The following CYRIB variants were observed in gnomAD, a reference collection of about 807,000 sequenced individuals.
The protein encoded by CYRIB is CYFIP-related Rac1 interactor B.
In CYRIB, 8 loss-of-function variants were observed where a neutral mutation model predicts 44.2. The ratio of observed to expected loss-of-function variants is 0.18; its 90% CI spans 0.11 to 0.33. The LOEUF (loss-of-function observed/expected upper bound fraction) is 0.33, where lower values mean the gene tolerates loss of function less well. Among genes scored for constraint, CYRIB ranks in the 10% least tolerant of loss-of-function variants. The pLI is 1.00. For synonymous variants in CYRIB, 131 were observed against 127.2 expected (o/e 1.03, Z -0.20); for missense variants, 185 against 382.8 (o/e 0.48, Z 4.31).
chr8:129,975,088 C>T (rs1039410193), intron 1 of CYRIB, among the ~76,000 whole-genome samples: 4 of 152,102 alleles, frequency 2.6e-5, no homozygotes, highest in African/African-American at 9.7e-5. Context: ...ACCATACTGG[C>T]CAGGCTGGTC....
At chr8:129,996,957 C>A (rs1384631150) in intron 1 of CYRIB, among the ~76,000 whole-genome samples, 1 of 151,594 alleles carries the variant, frequency 6.6e-6, no homozygotes, top group Non-Finnish European at 1.5e-5. Flanking sequence ...TGCAAATATA[C>A]CAGCGTGAAC....
At chr8:129,938,348 C>A (rs1483234264) in intron 1 of CYRIB, among the ~76,000 whole-genome samples, 1 of 152,164 alleles carries the variant, frequency 6.6e-6, no homozygotes, top group Non-Finnish European at 1.5e-5. Flanking sequence ...TCACCAAACA[C>A]CCGAGTGACT....
chr8:129,883,299 T>C (rs2061489555), intron 2 of CYRIB, among the ~76,000 whole-genome samples: 1 of 151,628 alleles, frequency 6.6e-6, no homozygotes, highest in South Asian at 2.1e-4. Flanking sequence ...CTACCCCCCA[T>C]ACAAGCTGTG....
chr8:129,988,379 G>A (rs1046496310), intron 1 of CYRIB, among the ~76,000 whole-genome samples: 5 of 152,290 alleles, frequency 3.3e-5, no homozygotes, highest in African/African-American at 9.6e-5. Flanking sequence ...AGGCCCCGGG[G>A]AGAATCTTAC....
chr8:129,865,166 C>A lies in CYRIB; in HGVS notation c.196-2832G>T, dbSNP rs187435958. ...CAGTCTGCAGATTATTTCATGAATG[C>A]TTTGTCAAATCATAGAACTTAAAGT... On this transcript the variant is annotated intron_variant, in intron 4 of 11. Transcript: ENST00000519824. 9.0e-4 allele frequency: 137 copies of A among 152,930 alleles called. 2 individuals are homozygous for A. The highest frequency in any genetic ancestry group is 5.8e-4 in the Non-Finnish European group (40 of 68,464). 9.5% of individuals were successfully genotyped at this position (152,930 alleles called of 1,614,324 possible). A position where few individuals can be genotyped will look rare whatever the true frequency, so the allele number is the denominator to read the frequency against.
At chr8:130,005,078 A>G (rs1034152383) in intron 1 of CYRIB, among the ~76,000 whole-genome samples, 1 of 151,924 alleles carries the variant, frequency 6.6e-6, no homozygotes, top group African/African-American at 2.4e-5. Context: ...GGAATTTTTT[A>G]TTTTTTATTT....
chr8:129,946,361 C>T (rs1304892646), intron 2 of CYRIB, among the ~76,000 whole-genome samples: 1 of 152,238 alleles, frequency 6.6e-6, no homozygotes, highest in Admixed American at 6.5e-5. Flanking sequence ...GGAGTTCTAT[C>T]AACTGTTTCT....
At chr8:129,912,686 G>T (rs1354461227) in intron 1 of CYRIB, among the ~76,000 whole-genome samples, 2 of 151,854 alleles carry the variant, frequency 1.3e-5, no homozygotes, top group African/African-American at 4.8e-5. Flanking sequence ...TAGAGACAGG[G>T]TCTTATTAGG....
chr8:129,945,890 G>A (rs1310688430), intron 2 of CYRIB, among the ~76,000 whole-genome samples: 1 of 152,268 alleles, frequency 6.6e-6, no homozygotes, highest in Admixed American at 6.5e-5. Flanking sequence ...CAAACCCACT[G>A]GGTAGCCATC....
At chr8:129,935,705 G>A (rs1203736624) in intron 1 of CYRIB, among the ~76,000 whole-genome samples, 2 of 152,286 alleles carry the variant, frequency 1.3e-5, no homozygotes, top group East Asian at 1.9e-4. Flanking sequence ...TGCATTAGCA[G>A]AAAATAACTG....
chr8:129,897,476 C>G (rs561225805), intron 2 of CYRIB, among the ~76,000 whole-genome samples: 1 of 151,720 alleles, frequency 6.6e-6, no homozygotes, highest in East Asian at 1.9e-4. Flanking sequence ...ACTTAACAAA[C>G]CATTAAATAT....
intron 3 of CYRIB, among the ~76,000 whole-genome samples, 168 bp downstream of exon 5, chr8:129,879,221 T>C (rs983565961): frequency 6.6e-6 from 1 of 152,180 alleles, no homozygotes; most frequent in African/African-American, 2.4e-5. Context: ...ATTTAATCTA[T>C]AAAATAGGAC....
At chr8:129,944,192 A>C (rs1033185034), upstream of CYRIB, among the ~76,000 whole-genome samples, 6 of 152,196 alleles carry the variant, frequency 3.9e-5, no homozygotes, top group African/African-American at 1.4e-4. Flanking sequence ...TATGGACTAC[A>C]GTGGTAGGGA....
At chr8:129,876,012 G>A (rs1346010294) in intron 3 of CYRIB, among the ~76,000 whole-genome samples, 1 of 152,040 alleles carries the variant, frequency 6.6e-6, no homozygotes, top group Non-Finnish European at 1.5e-5. Context: ...TACTCGGGAG[G>A]CTGAGGTAGG....
chr8:129,971,077 G>C lies in CYRIB; in HGVS notation c.-295-82C>G, dbSNP rs555429057. The C allele has an allele frequency of 2.6e-5, 4 of 152,292 alleles. No individual in the cohort carries two copies. In the East Asian group the frequency reaches 7.7e-4, roughly 29 times the overall value. The allele number at this position is 152,292 out of a possible 1,614,324, so 9.4% of individuals were successfully genotyped here. A position where few individuals can be genotyped will look rare whatever the true frequency, so the allele number is the denominator to read the frequency against. ...AAGCCCCCGGTAAATCCTAGCTATTGTTTTTTTCCCATAGTAGAGGTACAG... is the reference window on the plus strand; with the variant it reads ...AAGCCCCCGGTAAATCCTAGCTATTCTTTTTTTCCCATAGTAGAGGTACAG... On this transcript the variant is annotated intron_variant, in intron 1 of 14. Transcript: ENST00000401979.
intron 1 of CYRIB, among the ~76,000 whole-genome samples, chr8:129,921,159 T>C (rs1163385768): frequency 6.6e-6 from 1 of 152,200 alleles, no homozygotes; most frequent in Non-Finnish European, 1.5e-5. Context: ...TATTAAAAAA[T>C]AAAAGTTAAA....
intron 2 of CYRIB, among the ~76,000 whole-genome samples, chr8:129,955,923 G>A (rs925752420): frequency 6.6e-6 from 1 of 152,160 alleles, no homozygotes; most frequent in Non-Finnish European, 1.5e-5. Flanking sequence ...TGCATCCATC[G>A]GGATGGGATA....
chr8:129,987,458 C>A (rs1483013758), intron 1 of CYRIB, among the ~76,000 whole-genome samples: 1 of 152,056 alleles, frequency 6.6e-6, no homozygotes, highest in South Asian at 2.1e-4. Flanking sequence ...AGTCCCCAAG[C>A]CCTCCATTCA....
At chr8:129,955,864 GC>G (rs1249173246) in intron 2 of CYRIB, among the ~76,000 whole-genome samples, 2 of 152,150 alleles carry the variant, frequency 1.3e-5, no homozygotes, top group Non-Finnish European at 2.9e-5. Flanking sequence ...TGCAAAATGT[GC>G]TTCTAAGCAC....
Sources: allele counts gnomAD v4.1 joint callset (sites outside exome capture counted in the v4.1 genomes callset), GRCh38; gene constraint gnomAD v4.1.1; transcripts MANE v1.5; gene names NCBI Gene and HGNC (gene_info 2026-07-23, HGNC 2026-07-21).